Variants in CA10 observed in about 807,000 individuals in gnomAD.
CA10 encodes carbonic anhydrase 10 (inactive).
Under a neutral mutation model 44.2 loss-of-function variants are expected in CA10, and 14 were observed. The observed-to-expected ratio is 0.32, with a 90% CI of 0.21 to 0.50. The LOEUF (loss-of-function observed/expected upper bound fraction) is 0.50, where lower values mean the gene tolerates loss of function less well. Among genes scored for constraint, CA10 ranks in the 20% least tolerant of loss-of-function variants. The probability of loss-of-function intolerance (pLI) is 0.99; values close to 1 mark genes in which losing one functional copy is unlikely to be tolerated. For synonymous variants in CA10, 159 were observed against 141.6 expected (o/e 1.12, Z -0.87); for missense variants, 350 against 409.7 (o/e 0.85, Z 1.26).
upstream of CA10, among the ~76,000 whole-genome samples, chr17:52,159,031 C>T (rs1167031256): frequency 6.6e-6 from 1 of 152,210 alleles, no homozygotes; most frequent in African/African-American, 2.4e-5. Context: ...CCGCCCCGCC[C>T]TGGCTGCCTC....
At chr17:51,918,308 TA>T (rs1222283004) in intron 3 of CA10, among the ~76,000 whole-genome samples, 2 of 151,928 alleles carry the variant, frequency 1.3e-5, no homozygotes, top group Non-Finnish European at 2.9e-5. Flanking sequence ...TTCCTTAACT[TA>T]AAAAAAATAG....
chr17:51,721,066 A>G (rs1315137394), intron 4 of CA10, among the ~76,000 whole-genome samples: 1 of 152,162 alleles, frequency 6.6e-6, no homozygotes, highest in Non-Finnish European at 1.5e-5. Flanking sequence ...GTGGTGGCTC[A>G]TGCCTGTAAT....
chr17:51,779,915 A>C (rs1905985007), intron 3 of CA10, among the ~76,000 whole-genome samples: 1 of 152,180 alleles, frequency 6.6e-6, no homozygotes, highest in Admixed American at 6.5e-5. Context: ...CCTCAGCGAC[A>C]TCAGCCACCC....
intron 3 of CA10, among the ~76,000 whole-genome samples, chr17:51,773,079 T>A (rs1263661863): frequency 6.6e-6 from 1 of 152,222 alleles, no homozygotes; most frequent in Non-Finnish European, 1.5e-5. Context: ...GCTTTTCTAT[T>A]TCCTACCTGA....
chr17:52,053,295 C>T lies in CA10; in HGVS notation c.136+19024G>A, dbSNP rs141119019. On this transcript the variant is annotated intron_variant, in intron 2 of 8. Coordinates refer to ENST00000451037, the MANE Select transcript of CA10 (RefSeq NM_020178.5). ...GAGGAAATCATACCAGCTTCCAATACCAACTGAGCTCTTTGTTTAAAACAG... is the reference window on the plus strand; with the variant it reads ...GAGGAAATCATACCAGCTTCCAATATCAACTGAGCTCTTTGTTTAAAACAG... Among the ~76,000 whole-genome samples the T allele has an allele frequency of 6.9e-3, 1,055 of 152,068 alleles. 21 individuals carry two copies. Among genetic ancestry groups the T allele is most frequent in the African/African-American group, 0.024 (1,004 of 41,518 alleles).
chr17:52,003,391 T>C (rs203050), intron 2 of CA10, among the ~76,000 whole-genome samples: 92,693 of 151,618 alleles, frequency 0.61, 29,056 homozygotes, highest in African/African-American at 0.7. Context: ...CACAGTACAT[T>C]GTAAGAGCCA....
upstream of CA10, chr17:52,159,175 A>AT (rs5820909): frequency 0.75 from 113,983 of 152,016 alleles, 43,365 homozygotes; most frequent in African/African-American, 0.88. Context: ...AATATTGGAG[A>AT]TTTTTTTGCA....
intron 3 of CA10, among the ~76,000 whole-genome samples, chr17:51,812,123 T>C (rs986205947): frequency 1.3e-5 from 2 of 152,218 alleles, no homozygotes; most frequent in Non-Finnish European, 2.9e-5. Flanking sequence ...CTGCAGTCAC[T>C]AATATGCGGA....
chr17:52,020,989 T>C (rs1429899968), intron 2 of CA10, among the ~76,000 whole-genome samples: 1 of 152,038 alleles, frequency 6.6e-6, no homozygotes. Flanking sequence ...ATTTTGTTCT[T>C]TTTTTATTGG....
At chr17:51,836,654 T>C (rs1306138096) in intron 3 of CA10, among the ~76,000 whole-genome samples, 1 of 152,186 alleles carries the variant, frequency 6.6e-6, no homozygotes, top group African/African-American at 2.4e-5. Context: ...TTAACATTTG[T>C]GAAGTGCCGA....
chr17:52,074,723 G>A (rs1987773198), intron 1 of CA10, among the ~76,000 whole-genome samples: 1 of 151,974 alleles, frequency 6.6e-6, no homozygotes, highest in African/African-American at 2.4e-5. Flanking sequence ...TAAAAGAAAT[G>A]TAATTTATAA....
chr17:51,687,882 T>C (rs1915058183), intron 4 of CA10, among the ~76,000 whole-genome samples: 1 of 152,224 alleles, frequency 6.6e-6, no homozygotes, highest in Admixed American at 6.5e-5. Flanking sequence ...TCAAGAATAC[T>C]CCTTAATGAT....
chr17:51,697,056 C>T (rs1422609956), intron 4 of CA10, among the ~76,000 whole-genome samples: 1 of 151,136 alleles, frequency 6.6e-6, no homozygotes, highest in Non-Finnish European at 1.5e-5. Flanking sequence ...CTCCCAGGGG[C>T]CTCTTAAGAG....
At chr17:51,914,154 A>C (rs1981897307) in intron 3 of CA10, among the ~76,000 whole-genome samples, 4 of 152,278 alleles carry the variant, frequency 2.6e-5, no homozygotes, top group African/African-American at 9.6e-5. Flanking sequence ...ACGGTTTCCA[A>C]AGTGCAATCA....
rs1309469037 is a variant in CA10, at chr17:52,158,311, G to T, written c.-525C>A. On this transcript the variant is annotated 5_prime_UTR_variant, in exon 1 of 9. Transcript: ENST00000451037. ...CCGCGGCAAGTTGCCCTCGAAGTCC[G>T]CCCCCCTCACCGGGGCATGGTCGGA... is the stretch of plus-strand genomic sequence containing the variant. 5.0e-6 allele frequency: 1 copy of T among 200,404 alleles called. No homozygotes were observed. The highest frequency in any genetic ancestry group is 1.0e-5 in the Non-Finnish European group (1 of 97,834). The allele number at this position is 200,404 out of a possible 1,614,324, so 12.4% of individuals were successfully genotyped here. A position where few individuals can be genotyped will look rare whatever the true frequency, so the allele number is the denominator to read the frequency against.
Position 51,638,444 on chromosome 17 carries a change from A to T in CA10, c.635-2435T>A, listed in dbSNP as rs540510593. Reference sequence around the variant, plus strand: ...CAAGGAACGAGGACATGCTCGAGAGAGACACAGTGATTGGAATATGGCCAG... The same window carrying T: ...CAAGGAACGAGGACATGCTCGAGAGTGACACAGTGATTGGAATATGGCCAG... On this transcript the variant is annotated intron_variant, in intron 6 of 8. Transcript: ENST00000451037. Among the ~76,000 whole-genome samples the T allele has an allele frequency of 2.0e-5, 3 of 152,314 alleles. No individual in the cohort carries two copies. The South Asian group carries it at 6.2e-4, about 32-fold the overall frequency.
chr17:51,765,164 T>C (rs933728398), intron 3 of CA10, among the ~76,000 whole-genome samples: 1 of 151,742 alleles, frequency 6.6e-6, no homozygotes, highest in Non-Finnish European at 1.5e-5. Context: ...GGAGAAGGGG[T>C]GGGAAGCAAT....
chr17:51,924,408 C>A (rs1982345496), intron 3 of CA10, among the ~76,000 whole-genome samples: 1 of 152,154 alleles, frequency 6.6e-6, no homozygotes, highest in Non-Finnish European at 1.5e-5. Flanking sequence ...CAGGCTGAAG[C>A]ATTTATACCT....
chr17:51,825,442 G>A (rs879686889), intron 3 of CA10, among the ~76,000 whole-genome samples: 1 of 152,158 alleles, frequency 6.6e-6, no homozygotes, highest in Non-Finnish European at 1.5e-5. Flanking sequence ...CCTATGGGGT[G>A]TGAACCTTGT....
Sources: allele counts gnomAD v4.1 joint callset (sites outside exome capture counted in the v4.1 genomes callset), GRCh38; gene constraint gnomAD v4.1.1; transcripts MANE v1.5; gene names NCBI Gene and HGNC (gene_info 2026-07-23, HGNC 2026-07-21).